The following DPYD variants were observed in gnomAD, a reference collection of about 807,000 sequenced individuals.
DPYD encodes dihydropyrimidine dehydrogenase.
Under a neutral mutation model 116.2 loss-of-function variants are expected in DPYD, and 109 were observed. The observed-to-expected ratio is 0.94, with a 90% CI of 0.80 to 1.10. The LOEUF (loss-of-function observed/expected upper bound fraction) is 1.10. Ranked by LOEUF, DPYD falls within the 50% of genes least tolerant of loss-of-function variation. DPYD has a pLI of 0.00. For synonymous variants in DPYD, 440 were observed against 432.0 expected (o/e 1.02, Z -0.23); for missense variants, 1,302 against 1,254.5 (o/e 1.04, Z -0.57).
chr1:97,149,585 C>T (rs1654873146), intron 20 of DPYD, among the ~76,000 whole-genome samples: 1 of 152,114 alleles, frequency 6.6e-6, no homozygotes, highest in Admixed American at 6.6e-5. Flanking sequence ...TGTCATTATC[C>T]TAGTTTATAA....
rs553210772 is a variant in DPYD, at chr1:97,315,253, T to C, written c.2059-8956A>G. On this transcript the variant is annotated intron_variant, in intron 16 of 22. Transcript: ENST00000370192. Reference sequence around the variant, plus strand: ...TGACTGCCTCTAACTGCTTCCTCCTTTAGGTGTGCCTCGCTTTTAAACTGG... The same window carrying C: ...TGACTGCCTCTAACTGCTTCCTCCTCTAGGTGTGCCTCGCTTTTAAACTGG... Among the ~76,000 whole-genome samples the C allele has an allele frequency of 5.3e-5, 8 of 152,004 alleles. No homozygotes were observed. The South Asian group carries it at 1.7e-3, about 32-fold the overall frequency.
At chr1:97,534,866 T>C (rs1374107937) in intron 12 of DPYD, among the ~76,000 whole-genome samples, 3 of 152,006 alleles carry the variant, frequency 2.0e-5, no homozygotes, top group African/African-American at 7.2e-5. Flanking sequence ...TTCAATAAAT[T>C]AGATTTTTAA....
At chr1:97,164,859 G>A (rs1044421479) in intron 20 of DPYD, among the ~76,000 whole-genome samples, 1 of 149,480 alleles carries the variant, frequency 6.7e-6, no homozygotes, top group African/African-American at 2.5e-5. Context: ...CCAAAACAAC[G>A]TACAGATTCT....
chr1:97,148,150 A>G (rs1266975390), intron 20 of DPYD, among the ~76,000 whole-genome samples: 4 of 151,764 alleles, frequency 2.6e-5, no homozygotes, highest in Admixed American at 1.3e-4. Flanking sequence ...TGACAAGAAC[A>G]GCTCTTTAGT....
At chr1:97,318,208 A>T (rs1227568370) in intron 16 of DPYD, among the ~76,000 whole-genome samples, 1 of 144,966 alleles carries the variant, frequency 6.9e-6, no homozygotes, top group African/African-American at 2.5e-5. Flanking sequence ...TCATAATGAC[A>T]GGATCAAATT....
chr1:97,919,859 C>T (rs777793227), intron 1 of DPYD, among the ~76,000 whole-genome samples: 6 of 152,170 alleles, frequency 3.9e-5, no homozygotes, highest in Admixed American at 2.6e-4. Context: ...AGGACTACTT[C>T]CTCCCAGAAT....
chr1:97,201,635 T>C (rs958268477), intron 19 of DPYD, among the ~76,000 whole-genome samples: 3 of 152,200 alleles, frequency 2.0e-5, no homozygotes, highest in Non-Finnish European at 4.4e-5. Context: ...GATGTATTTG[T>C]ATATTCACAT....
intron 20 of DPYD, among the ~76,000 whole-genome samples, chr1:97,182,377 C>G (rs10047165): frequency 0.13 from 19,695 of 151,990 alleles, 1,544 homozygotes; most frequent in East Asian, 0.39. Flanking sequence ...TAATTTTGAA[C>G]CTTTGAACTT....
At chr1:97,383,842 T>C (rs1036048169) in intron 14 of DPYD, among the ~76,000 whole-genome samples, 1 of 152,182 alleles carries the variant, frequency 6.6e-6, no homozygotes, top group African/African-American at 2.4e-5. Flanking sequence ...GTGCAGTAGC[T>C]CACGCCTGTA....
At chr1:97,254,547 T>A (rs1036503930) in intron 18 of DPYD, among the ~76,000 whole-genome samples, 1 of 152,036 alleles carries the variant, frequency 6.6e-6, no homozygotes, top group African/African-American at 2.4e-5. Context: ...GAGAAGAAAA[T>A]TTAATTTCAG....
chr1:97,275,912 G>C (rs926433201), intron 18 of DPYD, among the ~76,000 whole-genome samples: 2 of 151,978 alleles, frequency 1.3e-5, no homozygotes, highest in African/African-American at 4.8e-5. Flanking sequence ...AGCTTCTTTT[G>C]CTGGATCTTC....
At chr1:97,201,471 A>C (rs1659194879) in intron 19 of DPYD, among the ~76,000 whole-genome samples, 1 of 152,212 alleles carries the variant, frequency 6.6e-6, no homozygotes, top group Non-Finnish European at 1.5e-5. Flanking sequence ...GTAAGAATTC[A>C]GAATAACAAT....
intron 18 of DPYD, among the ~76,000 whole-genome samples, chr1:97,303,417 G>A (rs1570468511): frequency 6.6e-6 from 1 of 151,838 alleles, no homozygotes; most frequent in Non-Finnish European, 1.5e-5. Context: ...TCAGTATTAA[G>A]GCAGCATTTG....
chr1:97,544,115 A>T (rs922698077), intron 12 of DPYD, among the ~76,000 whole-genome samples: 5 of 152,232 alleles, frequency 3.3e-5, no homozygotes, highest in African/African-American at 1.2e-4. Context: ...TTCAACTGAT[A>T]ATCTAGAAAG....
At chr1:97,224,570 T>C (rs542643133) in intron 19 of DPYD, among the ~76,000 whole-genome samples, 4 of 152,076 alleles carry the variant, frequency 2.6e-5, no homozygotes, top group African/African-American at 9.6e-5. Flanking sequence ...ACAATATTAT[T>C]AACTAGATTA....
At chr1:97,175,580 A>C (rs1437214877) in intron 20 of DPYD, among the ~76,000 whole-genome samples, 2 of 152,202 alleles carry the variant, frequency 1.3e-5, no homozygotes, top group African/African-American at 2.4e-5. Context: ...ATTCAACAGA[A>C]GTCTTCTCCA....
chr1:97,592,990 G>A (rs1422098593), intron 10 of DPYD, among the ~76,000 whole-genome samples: 1 of 152,154 alleles, frequency 6.6e-6, no homozygotes, highest in Non-Finnish European at 1.5e-5. Flanking sequence ...CTAACAAGAA[G>A]CCCTTGAGTA....
At chr1:97,599,860 CAAAAAAAAAAAAAAAAAAAAAAAAA>C (rs56940277) in intron 8 of DPYD, among the ~76,000 whole-genome samples, 1 of 36,442 alleles carries the variant, frequency 2.7e-5, no homozygotes, top group African/African-American at 1.1e-4. Flanking sequence ...CCCATCTCCA[CAAAAAAAAAAAAAAAAAAAAAAAAA>C]AAAAAAAAAA....
intron 2 of DPYD, among the ~76,000 whole-genome samples, chr1:97,844,987 G>C (rs1300433660): frequency 6.6e-6 from 1 of 152,204 alleles, no homozygotes; most frequent in Non-Finnish European, 1.5e-5. Context: ...CTCTCACCTT[G>C]TGCCCCTCTG....
Sources: gnomAD v4.1 joint callset for allele counts (sites outside exome capture counted in the v4.1 genomes callset) on GRCh38, gnomAD v4.1.1 for gene constraint, MANE v1.5 for transcripts, NCBI Gene and HGNC (gene_info 2026-07-23, HGNC 2026-07-21) for gene names.